FGF13: variants seen among roughly 807,000 people sequenced by gnomAD.
The protein encoded by FGF13 is fibroblast growth factor 13.
FGF13 carries 2 observed loss-of-function variants against 19.5 expected under a neutral mutation model. That is an observed-to-expected ratio of 0.10 (90% CI 0.04 to 0.32). The LOEUF is 0.32. Among genes scored for constraint, FGF13 ranks in the 10% least tolerant of loss-of-function variants. FGF13 has a pLI of 1.00. For missense variants in FGF13, 113 were observed against 192.7 expected (o/e 0.59, Z 2.45); for synonymous variants, 72 against 76.9 (o/e 0.94, Z 0.33).
chrX:138,900,400 C>T (rs1003543308), intron 1 of FGF13, among the ~76,000 whole-genome samples: 7 of 110,853 alleles, frequency 6.3e-5, no homozygotes, highest in African/African-American at 2.3e-4. Context: ...ATAAAAGGTA[C>T]TATCCAGGAA....
chrX:138,984,496 A>AG (rs1422565826), intron 1 of FGF13, among the ~76,000 whole-genome samples: 2 of 4,863 alleles, frequency 4.1e-4, no homozygotes, highest in Middle Eastern at 0.05. Context: ...AAGGAGAAGG[A>AG]GAAGGAGAAG....
At chrX:138,830,682 G>A (rs1224184099) in intron 3 of FGF13, among the ~76,000 whole-genome samples, 1 of 52,030 alleles carries the variant, frequency 1.9e-5, no homozygotes, top group East Asian at 5.6e-4. Context: ...AGTGAAAAGG[G>A]GTGTTTGTGT....
chrX:138,959,149 G>C (rs2091856736), intron 1 of FGF13, among the ~76,000 whole-genome samples: 1 of 111,560 alleles, frequency 9.0e-6, no homozygotes, highest in Non-Finnish European at 1.9e-5. Context: ...GCTTTCTCTT[G>C]TGGGCATTTA....
chrX:139,175,127 G>T (rs942330422), intron 1 of FGF13, among the ~76,000 whole-genome samples: 1 of 111,372 alleles, frequency 9.0e-6, no homozygotes, highest in Non-Finnish European at 1.9e-5. Context: ...TTGTAAGTTG[G>T]ATTCCTAGGT....
At chrX:138,873,801 C>T (rs1276558103) in intron 1 of FGF13, among the ~76,000 whole-genome samples, 1 of 110,816 alleles carries the variant, frequency 9.0e-6, no homozygotes, top group African/African-American at 3.3e-5. Flanking sequence ...GGCACATATA[C>T]ACCATGGAAT....
intron 1 of FGF13, among the ~76,000 whole-genome samples, chrX:138,897,208 C>A (rs1019664465): frequency 1.8e-5 from 2 of 111,600 alleles, no homozygotes; most frequent in Non-Finnish European, 3.8e-5. Flanking sequence ...TGGGGTTTCG[C>A]CATGTTGCCC....
intron 3 of FGF13, among the ~76,000 whole-genome samples, chrX:138,796,711 G>A (rs1364622662): frequency 3.6e-5 from 4 of 110,913 alleles, no homozygotes; most frequent in South Asian, 3.8e-4. Flanking sequence ...CTGCATCCTC[G>A]CCAGGATCTG....
At chrX:139,169,353 C>T (rs1260048276) in intron 1 of FGF13, among the ~76,000 whole-genome samples, 3 of 111,786 alleles carry the variant, frequency 2.7e-5, no homozygotes, top group Admixed American at 1.9e-4. Flanking sequence ...CTGCCAAAAG[C>T]ACTGTCTGAA....
At chrX:139,146,521 G>A (rs1339627380) in intron 1 of FGF13, among the ~76,000 whole-genome samples, 1 of 112,151 alleles carries the variant, frequency 8.9e-6, no homozygotes, top group Non-Finnish European at 1.9e-5. Flanking sequence ...CACTGTTGGT[G>A]GGACTGTAAA....
intron 1 of FGF13, among the ~76,000 whole-genome samples, chrX:139,174,704 G>A (rs1470495785): frequency 3.6e-5 from 4 of 111,843 alleles, no homozygotes; most frequent in Non-Finnish European, 7.5e-5. Context: ...TCAGAAGGTT[G>A]TAGATGTGTG....
At chrX:138,917,832 T>C (rs2091625011) in intron 1 of FGF13, among the ~76,000 whole-genome samples, 1 of 111,821 alleles carries the variant, frequency 8.9e-6, no homozygotes, top group Non-Finnish European at 1.9e-5. Context: ...AATTAGGCTT[T>C]CAGGTCTCTA....
At chrX:139,191,033 G>T (rs2084325339) in intron 1 of FGF13, among the ~76,000 whole-genome samples, 1 of 111,958 alleles carries the variant, frequency 8.9e-6, no homozygotes, top group Admixed American at 9.5e-5. Flanking sequence ...CGGCATTTGA[G>T]TTAGATTTGT....
chrX:139,112,646 GGC>G (rs1227217936), intron 1 of FGF13, among the ~76,000 whole-genome samples: 2 of 111,542 alleles, frequency 1.8e-5, no homozygotes, highest in African/African-American at 6.5e-5. Context: ...CATAACCCTT[GGC>G]AAGCTGCTTC....
chrX:138,767,228 G>GCTT (rs952283353), intron 3 of FGF13, among the ~76,000 whole-genome samples: 1 of 111,938 alleles, frequency 8.9e-6, no homozygotes, highest in Non-Finnish European at 1.9e-5. Context: ...ACTGGTGCTG[G>GCTT]CTTCTTCTTC....
chrX:138,950,039 G>A (rs770007690), intron 1 of FGF13, among the ~76,000 whole-genome samples: 1 of 112,008 alleles, frequency 8.9e-6, no homozygotes, highest in East Asian at 2.8e-4. Context: ...ACAGAAGGAT[G>A]TTAAAAATGG....
intron 1 of FGF13, among the ~76,000 whole-genome samples, chrX:138,995,501 G>C (rs2092038164): frequency 9.0e-6 from 1 of 111,151 alleles, no homozygotes; most frequent in African/African-American, 3.3e-5. Context: ...TCTGTTGTTT[G>C]TTCTTTGTAT....
At chrX:139,150,596 GGC>G (rs1195143914) in intron 1 of FGF13, among the ~76,000 whole-genome samples, 4 of 111,541 alleles carry the variant, frequency 3.6e-5, no homozygotes, top group Non-Finnish European at 7.5e-5. Flanking sequence ...CTGTGAAGTA[GGC>G]TGAGTCCACC....
intron 1 of FGF13, among the ~76,000 whole-genome samples, chrX:139,172,617 A>C (rs1420957677): frequency 9.0e-6 from 1 of 111,715 alleles, no homozygotes; most frequent in Non-Finnish European, 1.9e-5. Context: ...TCAACTTTCC[A>C]CTATTGATAG....
chrX:139,001,385 C>T (rs111997557), intron 1 of FGF13, among the ~76,000 whole-genome samples: 2,486 of 111,229 alleles, frequency 0.022, 88 homozygotes, highest in African/African-American at 0.076. Context: ...AAACTATCAT[C>T]GGACTGAAAA....
Sources: allele counts gnomAD v4.1 joint callset (sites outside exome capture counted in the v4.1 genomes callset), GRCh38; gene constraint gnomAD v4.1.1; transcripts MANE v1.5; gene names NCBI Gene and HGNC (gene_info 2026-07-23, HGNC 2026-07-21).